FUT8: variants seen among roughly 807,000 people sequenced by gnomAD.
FUT8 encodes the protein alpha-(1,6)-fucosyltransferase.
FUT8 carries 29 observed loss-of-function variants against 71.3 expected under a neutral mutation model. The observed-to-expected ratio is 0.41, with a 90% CI of 0.30 to 0.55. The LOEUF (loss-of-function observed/expected upper bound fraction) is 0.55, where lower values mean the gene tolerates loss of function less well. FUT8 is among the 20% of genes least tolerant of loss of function. The pLI is 0.34. For synonymous variants in FUT8, 254 were observed against 239.3 expected (o/e 1.06, Z -0.57); for missense variants, 544 against 702.1 (o/e 0.77, Z 2.55).
intron 2 of FUT8, among the ~76,000 whole-genome samples, chr14:65,558,041 ACT>A (rs1399242359): frequency 6.6e-6 from 1 of 151,832 alleles, no homozygotes; most frequent in African/African-American, 2.4e-5. Flanking sequence ...AAACCATAAG[ACT>A]CTCTTGGCTG....
At chr14:65,633,300 C>T (rs1457435590) in intron 6 of FUT8, among the ~76,000 whole-genome samples, 3 of 152,206 alleles carry the variant, frequency 2.0e-5, no homozygotes, top group Non-Finnish European at 2.9e-5. Context: ...GGATTGCAGA[C>T]GGAGTCTCGT....
chr14:65,610,705 A>G (rs1366518058), intron 3 of FUT8, among the ~76,000 whole-genome samples: 2 of 151,960 alleles, frequency 1.3e-5, no homozygotes, highest in African/African-American at 4.8e-5. Context: ...GACACTTTTT[A>G]TCAGGAATTT....
At chr14:65,389,485 G>A in the FUT8 span, among the ~76,000 whole-genome samples, 23 of 151,678 alleles carry the variant, frequency 1.5e-4, no homozygotes, top group African/African-American at 3.1e-4. Context: ...CTAATTTTTC[G>A]TATTTTTAGT....
chr14:65,432,271 A>G (rs992337911), intron 1 of FUT8, among the ~76,000 whole-genome samples: 10 of 152,140 alleles, frequency 6.6e-5, no homozygotes, highest in East Asian at 3.8e-4. Flanking sequence ...GGTGACCCCT[A>G]TACTGTAAGT....
chr14:65,594,746 G>A (rs1378624245), intron 3 of FUT8, among the ~76,000 whole-genome samples: 2 of 152,132 alleles, frequency 1.3e-5, no homozygotes, highest in African/African-American at 4.8e-5. Flanking sequence ...CTGAAGTCAA[G>A]CCACCTCTCT....
chr14:65,633,303 A>C (rs1402654142), intron 6 of FUT8, among the ~76,000 whole-genome samples: 1 of 152,140 alleles, frequency 6.6e-6, no homozygotes, highest in African/African-American at 2.4e-5. Context: ...TTGCAGACGG[A>C]GTCTCGTTCA....
the FUT8 span, among the ~76,000 whole-genome samples, chr14:65,379,943 T>G: frequency 6.6e-6 from 1 of 152,172 alleles, no homozygotes; most frequent in African/African-American, 2.4e-5. Flanking sequence ...AGCCCTTTTA[T>G]AAGGCACTAA....
At chr14:65,408,854 AAT>A (rs1291951834), upstream of FUT8, among the ~76,000 whole-genome samples, 2 of 152,192 alleles carry the variant, frequency 1.3e-5, no homozygotes, top group African/African-American at 4.8e-5. Context: ...TGAATTTGAA[AAT>A]ATAGATTCTT....
At chr14:65,433,786 TTCTCTCTCTCTCTCTCTC>T (rs71126744) in intron 1 of FUT8, among the ~76,000 whole-genome samples, 1 of 144,870 alleles carries the variant, frequency 6.9e-6, no homozygotes, top group Non-Finnish European at 1.5e-5. Flanking sequence ...CTTCTGTCTC[TTCTCTCTCTCTCTCTCTC>T]TCTCTCTCTC....
chr14:65,479,592 C>G (rs1210846345), intron 2 of FUT8: 1 of 150,918 alleles, frequency 6.6e-6, no homozygotes, highest in Admixed American at 6.6e-5. Flanking sequence ...CTTCCACTTT[C>G]TCCCGTCCTG....
intron 2 of FUT8, among the ~76,000 whole-genome samples, chr14:65,479,447 C>T (rs112566963): frequency 5.9e-5 from 9 of 152,270 alleles, no homozygotes; most frequent in African/African-American, 2.2e-4. Context: ...TAGTATTTCT[C>T]AGTTGGTGGA....
At chr14:65,636,438 A>G (rs184091036) in intron 6 of FUT8, 1 of 152,094 alleles carries the variant, frequency 6.6e-6, no homozygotes, top group Admixed American at 6.6e-5. Context: ...TGACCTCAGA[A>G]TGTCAGTTTG....
At chr14:65,650,140 CA>C (rs778234367) in intron 6 of FUT8, among the ~76,000 whole-genome samples, 4 of 149,786 alleles carry the variant, frequency 2.7e-5, no homozygotes, top group Non-Finnish European at 4.5e-5. Context: ...ACTAAAAATA[CA>C]AAAAAAAATT....
intron 1 of FUT8, among the ~76,000 whole-genome samples, chr14:65,438,071 T>C (rs1392646110): frequency 6.6e-6 from 1 of 152,222 alleles, no homozygotes; most frequent in Non-Finnish European, 1.5e-5. Context: ...TTTATAATAA[T>C]ATGGAGAGAG....
chr14:65,415,055 A>C (rs1391827300), intron 1 of FUT8, among the ~76,000 whole-genome samples: 1 of 152,206 alleles, frequency 6.6e-6, no homozygotes, highest in African/African-American at 2.4e-5. Flanking sequence ...GCAAATTCTT[A>C]CCAGTTATTT....
At chr14:65,495,894 G>C (rs999126562) in intron 2 of FUT8, among the ~76,000 whole-genome samples, 2 of 152,004 alleles carry the variant, frequency 1.3e-5, no homozygotes, top group African/African-American at 4.8e-5. Context: ...AAATACACTT[G>C]GAAGGAAGAA....
chr14:65,411,443 T>C (rs998710197), upstream of FUT8: 5 of 153,234 alleles, frequency 3.3e-5, no homozygotes, highest in Non-Finnish European at 5.8e-5. Context: ...GGATTTTCTT[T>C]TGAATCAGCA....
At chr14:65,455,571 A>G (rs182395416) in intron 1 of FUT8, 50 bp from the exon 2 acceptor site, 76 of 397,926 alleles carry the variant, frequency 1.9e-4, no homozygotes, top group Middle Eastern at 1.9e-3. Flanking sequence ...TAATAATGCT[A>G]ACTGAAGCTT....
At chr14:65,405,985 T>C (rs1311519206), upstream of FUT8, among the ~76,000 whole-genome samples, 1 of 152,186 alleles carries the variant, frequency 6.6e-6, no homozygotes, top group East Asian at 1.9e-4. Context: ...GCTGCCATCA[T>C]AATAAAAATG....
Sources: allele counts gnomAD v4.1 joint callset (sites outside exome capture counted in the v4.1 genomes callset), GRCh38; gene constraint gnomAD v4.1.1; transcripts MANE v1.5; gene names NCBI Gene and HGNC (gene_info 2026-07-23, HGNC 2026-07-21).